Variants in DCAF16 observed in about 807,000 individuals in gnomAD.
DCAF16 encodes DDB1 and CUL4 associated factor 16.
Under a neutral mutation model 17.3 loss-of-function variants are expected in DCAF16, and 10 were observed. That is an observed-to-expected ratio of 0.58 (90% CI 0.36 to 0.98). DCAF16 has a LOEUF of 0.98. DCAF16 is among the 50% of genes least tolerant of loss of function. The probability of loss-of-function intolerance (pLI) is 0.01; values close to 1 mark genes in which losing one functional copy is unlikely to be tolerated. For synonymous variants in DCAF16, 111 were observed against 92.8 expected (o/e 1.20, Z -1.12); for missense variants, 249 against 247.6 (o/e 1.01, Z -0.04).
intron 1 of DCAF16, among the ~76,000 whole-genome samples, chr4:17,807,481 C>A (rs1720431951): frequency 6.6e-6 from 1 of 152,180 alleles, no homozygotes; most frequent in African/African-American, 2.4e-5. Flanking sequence ...GGTGGGATTG[C>A]AGAGTGGAGT....
intron 1 of DCAF16, among the ~76,000 whole-genome samples, chr4:17,807,103 T>G (rs1195407025): frequency 6.6e-6 from 1 of 152,154 alleles, no homozygotes; most frequent in Non-Finnish European, 1.5e-5. Context: ...CATGATGGAT[T>G]AAAGACCTAA....
downstream of DCAF16, among the ~76,000 whole-genome samples, chr4:17,795,661 T>C (rs1022589905): frequency 2.0e-5 from 3 of 152,368 alleles, no homozygotes; most frequent in South Asian, 2.1e-4. Flanking sequence ...TTTGGATTGG[T>C]CATTTTTTAA....
chr4:17,801,607 A>G lies in DCAF16; in HGVS notation c.*1884T>C, dbSNP rs1719795604. ...AGATTTCATTTTATTTGTAGAGTAT[A>G]TGAAAAGATTTAATAGTCTCATGCA... On this transcript the variant is annotated 3_prime_UTR_variant, in exon 3 of 3. Coordinates refer to ENST00000382247, the MANE Select transcript of DCAF16 (RefSeq NM_017741.4). 1 of 150,170 alleles carries G rather than the reference A, an allele frequency of 6.7e-6. No individual in the cohort carries two copies. Among genetic ancestry groups the G allele is most frequent in the Admixed American group, 6.6e-5 (1 of 15,232 alleles). 9.3% of individuals were successfully genotyped at this position (150,170 alleles called of 1,614,324 possible).
intron 1 of DCAF16, among the ~76,000 whole-genome samples, chr4:17,805,671 G>T (rs1485406239): frequency 1.3e-5 from 2 of 152,182 alleles, no homozygotes; most frequent in East Asian, 3.9e-4. Flanking sequence ...CTTTAAAAGT[G>T]AAGTCAGGGG....
At chr4:17,795,204 T>C in the DCAF16 span, among the ~76,000 whole-genome samples, 1 of 152,230 alleles carries the variant, frequency 6.6e-6, no homozygotes, top group Admixed American at 6.5e-5. Context: ...GCTTTCATAG[T>C]CTTTCCGCAT....
chr4:17,807,024 G>A (rs1031676087), intron 1 of DCAF16, among the ~76,000 whole-genome samples: 1 of 151,670 alleles, frequency 6.6e-6, no homozygotes, highest in Non-Finnish European at 1.5e-5. Flanking sequence ...TAAGAACAAG[G>A]TTAAGAAAAA....
chr4:17,794,584 A>G, the DCAF16 span, among the ~76,000 whole-genome samples: 5 of 152,218 alleles, frequency 3.3e-5, no homozygotes, highest in Non-Finnish European at 5.9e-5. Context: ...TTATTTCTGT[A>G]AATAAATACA....
At chr4:17,805,974 C>T (rs1720286239) in intron 1 of DCAF16, among the ~76,000 whole-genome samples, 1 of 152,066 alleles carries the variant, frequency 6.6e-6, no homozygotes, top group African/African-American at 2.4e-5. Flanking sequence ...TCTACAACAA[C>T]AACAACAGCA....
intron 1 of DCAF16, among the ~76,000 whole-genome samples, chr4:17,810,094 ATTTTGGTCTCCTACAGTCCTAT>A (rs1242057497): frequency 6.6e-6 from 1 of 152,148 alleles, no homozygotes; most frequent in Non-Finnish European, 1.5e-5. Context: ...AGGGTGGCAT[ATTTTGGTCTCCTACAGTCCTAT>A]TTTTGGATGG....
chr4:17,799,145 T>C (rs1426941912), downstream of DCAF16, among the ~76,000 whole-genome samples: 1 of 152,204 alleles, frequency 6.6e-6, no homozygotes, highest in Non-Finnish European at 1.5e-5. Flanking sequence ...ACAAAATATC[T>C]ATATATTTTC....
At position 17,805,104 on chromosome 4, in the gene DCAF16, T is replaced by TC. The variant is rs1553847563; in HGVS notation, c.-631+2_-631+3insG. ...TAAAAGTTTTTTTTTTTTTTTTTTT[T>TC]ACCTTCAGAGGTGCTTGTTGGAATT... On this transcript the variant is annotated splice_region_variant and intron_variant, in intron 2 of 2. Transcript: ENST00000382247. The TC allele has an allele frequency of 2.0e-5, 3 of 147,686 alleles. No homozygotes were observed. The highest frequency in any genetic ancestry group is 7.5e-5 in the African/African-American group (3 of 39,936). 9.1% of individuals were successfully genotyped at this position (147,686 alleles called of 1,614,324 possible). A position where few individuals can be genotyped will look rare whatever the true frequency, so the allele number is the denominator to read the frequency against.
downstream of DCAF16, among the ~76,000 whole-genome samples, chr4:17,796,896 TAA>T (rs920444539): frequency 2.6e-5 from 4 of 152,284 alleles, no homozygotes; most frequent in African/African-American, 9.6e-5. Context: ...AATAAATAAA[TAA>T]ATATATAAGA....
chr4:17,796,215 C>T (rs1719421075), downstream of DCAF16, among the ~76,000 whole-genome samples: 1 of 152,198 alleles, frequency 6.6e-6, no homozygotes, highest in Admixed American at 6.5e-5. Context: ...ATTACTCCCA[C>T]CTTCCAGGGT....
rs1415773831 is a variant in DCAF16, at chr4:17,801,024, T to C, written c.*2467A>G. The C allele has an allele frequency of 1.3e-5, 2 of 152,212 alleles. No homozygotes were observed. Among genetic ancestry groups the C allele is most frequent in the Non-Finnish European group, 2.9e-5 (2 of 68,040 alleles). 9.4% of individuals were successfully genotyped at this position (152,212 alleles called of 1,614,324 possible). A position where few individuals can be genotyped will look rare whatever the true frequency, so the allele number is the denominator to read the frequency against. On this transcript the variant is annotated 3_prime_UTR_variant, in exon 3 of 3. Transcript: ENST00000382247. ...AATACTTTTATTCTACAATTCCCTC[T>C]TTTTTCCTTTAGACAAGACAACTAA...
At chr4:17,805,251 T>G (rs1447010147) in intron 1 of DCAF16, 26 bp from the exon 2 acceptor site, 1 of 151,998 alleles carries the variant, frequency 6.6e-6, no homozygotes, top group Non-Finnish European at 1.5e-5. Flanking sequence ...GAAAAAAGCA[T>G]GAAAACTGAC....
chr4:17,809,747 A>G (rs2109033669), intron 1 of DCAF16: 1 of 152,328 alleles, frequency 6.6e-6, no homozygotes, highest in Admixed American at 6.5e-5. Context: ...TACGCAGAGG[A>G]GTCCCACCAT....
chr4:17,804,039 A>G lies in DCAF16; in HGVS notation c.103T>C (p.Ser35Pro). 1 of 1,614,154 alleles carries G rather than the reference A, an allele frequency of 6.2e-7. No homozygotes were observed. The change falls in exon 3 of 3, where the codon TCC (serine) becomes CCC (proline). Residue 35 changes from serine to proline, a missense_variant. Physicochemically the swap from Ser to Pro is moderately conservative, Grantham distance 74. Transcript: ENST00000382247. ...LNESSGEEWD[S>P]SEEEDSMVPN... ...ACCATAGAGTCCTCTTCTTCAGAGG[A>G]ATCCCACTCTTCCCCAGAACTCTCA...
At chr4:17,795,601 A>G in the DCAF16 span, among the ~76,000 whole-genome samples, 1 of 152,124 alleles carries the variant, frequency 6.6e-6, no homozygotes, top group Non-Finnish European at 1.5e-5. Flanking sequence ...TTTCTAATAC[A>G]TCTACTGAAT....
rs373206825 is a variant in DCAF16 at position 17,803,915 on chromosome 4, T to C, written c.227A>G (p.Tyr76Cys). 5.0e-6 allele frequency: 8 copies of C among 1,614,168 alleles called. No homozygotes were observed. The highest frequency in any genetic ancestry group is 1.6e-4 in the Middle Eastern group (1 of 6,062). Residue 76 changes from tyrosine (Y) to cysteine (C), a missense_variant, in exon 3 of 3, where the codon TAT becomes TGT. Physicochemically the swap from Tyr to Cys is radical, Grantham distance 194. Coordinates refer to ENST00000382247, the MANE Select transcript of DCAF16 (RefSeq NM_017741.4). ...WKPLNPNSWLYHAKLLDPSTP... is the reference protein window; with the variant it reads ...WKPLNPNSWLCHAKLLDPSTP... ...GCTTGGATCCAACAGTTTAGCATGA[T>C]ACAACCAGGAATTAGGATTTAAAGG... is the stretch of plus-strand genomic sequence containing the variant.
Sources: gnomAD v4.1 joint callset for allele counts (sites outside exome capture counted in the v4.1 genomes callset) on GRCh38, gnomAD v4.1.1 for gene constraint, MANE v1.5 for transcripts, NCBI Gene and HGNC (gene_info 2026-07-23, HGNC 2026-07-21) for gene names.